The following TLN2 variants were observed in gnomAD, a reference collection of about 807,000 sequenced individuals.
The protein encoded by TLN2 is talin 2.
Under a neutral mutation model 294.7 loss-of-function variants are expected in TLN2, and 118 were observed. That is an observed-to-expected ratio of 0.40 (90% CI 0.34 to 0.47). The LOEUF is 0.47. Among genes scored for constraint, TLN2 ranks in the 20% least tolerant of loss-of-function variants. The pLI is 0.84. For synonymous variants in TLN2, 1,431 were observed against 1,304.5 expected (o/e 1.10, Z -2.09); for missense variants, 3,083 against 3,282.2 (o/e 0.94, Z 1.48).
At chr15:62,657,722 G>A (rs745459497) in intron 8 of TLN2, 49 bp from the exon 9 acceptor site, 25 of 1,592,010 alleles carry the variant, frequency 1.6e-5, no homozygotes, top group Non-Finnish European at 2.1e-5. Context: ...TGGAGAGAAC[G>A]TGTCACTCCC....
chr15:62,708,843 C>G (rs1170243092), intron 21 of TLN2, 47 bp downstream of exon 21: 2 of 1,554,096 alleles, frequency 1.3e-6, no homozygotes, highest in South Asian at 2.4e-5. Context: ...TTTTGATGTT[C>G]CTGATGGTGG....
At chr15:62,762,530 T>A (rs1000214342) in intron 39 of TLN2, 77 bp downstream of exon 39, 3 of 1,459,422 alleles carry the variant, frequency 2.1e-6, no homozygotes, top group East Asian at 4.6e-5. Context: ...CCAGGCTTTT[T>A]ACTTAATAGT....
rs1370597165 is a variant in TLN2 at position 62,708,744 on chromosome 15, T to G, written c.2415T>G (p.Thr805=). 1 of 1,610,678 alleles carries G rather than the reference T, an allele frequency of 6.2e-7. No individual in the cohort carries two copies. Among genetic ancestry groups the G allele is most frequent in the African/African-American group, 1.3e-5 (1 of 75,054 alleles). ...GEPIGRYDQA[T]DTIMCVTESI... is the part of the protein sequence containing the mutation. Reference sequence around the variant, plus strand: ...CCATCGGCCGCTACGACCAGGCTACTGACACCATCATGTGTGTCACCGAGA... The same window carrying G: ...CCATCGGCCGCTACGACCAGGCTACGGACACCATCATGTGTGTCACCGAGA... Residue 805 remains threonine (T), a synonymous_variant, in exon 21 of 59, where the codon ACT becomes ACG. Transcript: ENST00000636159.
At position 62,673,322 on chromosome 15, in the gene TLN2, T is replaced by TTTTTTTTC. The variant is rs1555465070; in HGVS notation, c.789-499_789-498insTCTTTTTT. ...TTTTTAGATGTTGCTTTTTTTTTTTTTTTTTTGCAATTTCATGTGGTTCTA... is the reference window on the plus strand; with the variant it reads ...TTTTTAGATGTTGCTTTTTTTTTTTTTTTTTTTCTTTTTTGCAATTTCATGTGGTTCTA... On this transcript the variant is annotated intron_variant, in intron 9 of 58. Transcript: ENST00000636159. 7.7e-4 allele frequency among the ~76,000 whole-genome samples: 108 copies of TTTTTTTTC among 140,182 alleles called. 2 individuals are homozygous for TTTTTTTTC. The highest frequency in any genetic ancestry group is 2.8e-3 in the African/African-American group (105 of 37,378). The allele number at this position is 140,182 out of a possible 152,430, so 92.0% of individuals were successfully genotyped here.
chr15:62,391,966 C>G (rs2032128808), intron 1 of TLN2, among the ~76,000 whole-genome samples: 1 of 152,272 alleles, frequency 6.6e-6, no homozygotes, highest in African/African-American at 2.4e-5. Context: ...CTGGGTGCTC[C>G]GAGGGGCGCA....
intron 1 of TLN2, among the ~76,000 whole-genome samples, chr15:62,503,480 T>C (rs2039419488): frequency 6.6e-6 from 1 of 152,246 alleles, no homozygotes. Context: ...CTTAAGTGAT[T>C]AGTGGTTCAG....
Position 62,698,790 on chromosome 15 carries a change from A to C in TLN2, c.1510A>C (p.Thr504Pro), listed in dbSNP as rs1225209595. The change falls in exon 16 of 59, where the codon ACA becomes CCA. Residue 504 changes from threonine to proline, a missense_variant. By Grantham distance (38) the Thr-to-Pro change is conservative (BLOSUM62 -1). Coordinates refer to ENST00000636159, the MANE Select transcript of TLN2 (RefSeq NM_015059.3). Reference protein sequence around the residue: ...AQQALMGTINTSMHAVQQAQD... With the variant: ...AQQALMGTINPSMHAVQQAQD... The stretch of plus-strand genomic sequence containing the variant: ...GCAGGCCCTGATGGGGACCATCAAC[A>C]CAAGCATGCACGCCGTCCAGCAGGC... 1.2e-6 allele frequency: 2 copies of C among 1,612,096 alleles called. No individual in the cohort carries two copies. The highest frequency in any genetic ancestry group is 2.7e-5 in the African/African-American group (2 of 74,906).
chr15:62,740,149 G>A (rs1006288143), intron 31 of TLN2, among the ~76,000 whole-genome samples: 3 of 151,232 alleles, frequency 2.0e-5, no homozygotes, highest in African/African-American at 4.9e-5. Context: ...GATGGCAACC[G>A]GGTGAGAAAT....
intron 57 of TLN2, among the ~76,000 whole-genome samples, chr15:62,837,079 TTGTC>T (rs1305092637): frequency 5.3e-5 from 8 of 152,230 alleles, no homozygotes; most frequent in East Asian, 3.8e-4. Context: ...AAAATGTAGA[TTGTC>T]TGTATTGCTA....
intron 1 of TLN2, among the ~76,000 whole-genome samples, chr15:62,453,183 G>A (rs1427156796): frequency 1.3e-5 from 2 of 152,000 alleles, no homozygotes; most frequent in African/African-American, 2.4e-5. Flanking sequence ...AAGGGCATGC[G>A]GTTGGCTAGA....
chr15:62,516,083 G>A (rs952002803), intron 1 of TLN2, among the ~76,000 whole-genome samples: 1 of 152,214 alleles, frequency 6.6e-6, no homozygotes, highest in African/African-American at 2.4e-5. Context: ...ATCATCCAAT[G>A]CAACCATCTC....
chr15:62,524,260 C>T (rs1339772833), intron 1 of TLN2, among the ~76,000 whole-genome samples: 2 of 152,110 alleles, frequency 1.3e-5, no homozygotes, highest in South Asian at 2.1e-4. Flanking sequence ...TAGTTTAGTT[C>T]ATAAACTAAA....
rs1555416644 is a variant in TLN2, at chr15:62,491,340, AT to A, written c.-237-98346del. 2.8e-3 allele frequency among the ~76,000 whole-genome samples: 191 copies of A among 68,316 alleles called. 1 individual carries two copies. The highest frequency in any genetic ancestry group is 8.6e-3 in the South Asian group (15 of 1,744). The allele number at this position is 68,316 out of a possible 152,430, so 44.8% of individuals were successfully genotyped here. On this transcript the variant is annotated intron_variant, in intron 1 of 58. Transcript: ENST00000636159. ...AGACTCTGTCTCAAAAAAAAAAAAT[AT>A]ATATATATATACACACACACACACA...
intron 1 of TLN2, among the ~76,000 whole-genome samples, chr15:62,511,996 G>A (rs933649424): frequency 7.9e-5 from 12 of 152,114 alleles, no homozygotes; most frequent in Admixed American, 6.5e-4. Flanking sequence ...CCTGGTCAGT[G>A]CACTCAGGAG....
rs116597939 is a variant in TLN2 at position 62,492,082 on chromosome 15, G to A, written c.-237-97605G>A. 8.9e-3 allele frequency among the ~76,000 whole-genome samples: 1,359 copies of A among 152,068 alleles called. 18 individuals are homozygous for A. Among genetic ancestry groups the A allele is most frequent in the African/African-American group, 0.032 (1,315 of 41,502 alleles). On this transcript the variant is annotated intron_variant, in intron 1 of 58. Coordinates refer to ENST00000636159, the MANE Select transcript of TLN2 (RefSeq NM_015059.3). ...TATGAGTAAGCTAAGTTATTCAGAT[G>A]TATTTTGATAACTTATTTATTATAT... is the stretch of plus-strand genomic sequence containing the variant.
chr15:62,490,495 T>G (rs770422141), intron 1 of TLN2, among the ~76,000 whole-genome samples: 7 of 152,220 alleles, frequency 4.6e-5, no homozygotes, highest in Non-Finnish European at 1.0e-4. Context: ...GAGATTGTGC[T>G]TGTGTCTAAA....
In TLN2 at chr15:62,542,486, G is replaced by A. The variant is rs529578171; in HGVS notation, c.-237-47201G>A. Reference sequence around the variant, plus strand: ...ATTACAGGTGTGAGGCATCGCGCCCGGCCCCATTTAGTATTTTCAGACCAC... The same window carrying A: ...ATTACAGGTGTGAGGCATCGCGCCCAGCCCCATTTAGTATTTTCAGACCAC... On this transcript the variant is annotated intron_variant, in intron 1 of 58. Coordinates refer to ENST00000636159, the MANE Select transcript of TLN2 (RefSeq NM_015059.3). 4.6e-5 allele frequency among the ~76,000 whole-genome samples: 7 copies of A among 152,252 alleles called. No individual in the cohort carries two copies. In the East Asian group the frequency reaches 9.7e-4, roughly 21 times the overall value.
chr15:62,475,596 C>T (rs1412418012), intron 1 of TLN2, among the ~76,000 whole-genome samples: 1 of 152,154 alleles, frequency 6.6e-6, no homozygotes. Flanking sequence ...AAGAGCTTTT[C>T]TTCTTGTTCT....
intron 50 of TLN2, among the ~76,000 whole-genome samples, chr15:62,802,411 TACACACACAC>T (rs60573464): frequency 2.2e-4 from 33 of 149,836 alleles, no homozygotes; most frequent in Admixed American, 8.0e-4. Flanking sequence ...TATACAATGG[TACACACACAC>T]ACACACACAC....
Sources: gnomAD v4.1 joint callset for allele counts (sites outside exome capture counted in the v4.1 genomes callset) on GRCh38, gnomAD v4.1.1 for gene constraint, MANE v1.5 for transcripts, NCBI Gene and HGNC (gene_info 2026-07-23, HGNC 2026-07-21) for gene names.